SVEP1: variants seen among roughly 807,000 people sequenced by gnomAD.
The protein encoded by SVEP1 is sushi, von Willebrand factor type A, EGF and pentraxin domain containing 1.
SVEP1 carries 164 observed loss-of-function variants against 367.3 expected under a neutral mutation model. The observed-to-expected ratio is 0.45, with a 90% CI of 0.39 to 0.51. The LOEUF (loss-of-function observed/expected upper bound fraction) is 0.51, where lower values mean the gene tolerates loss of function less well. SVEP1 is among the 20% of genes least tolerant of loss of function. The pLI is 0.00. For missense variants in SVEP1, 4,117 were observed against 4,425.3 expected (o/e 0.93, Z 1.98); for synonymous variants, 1,666 against 1,611.6 (o/e 1.03, Z -0.81).
chr9:110,553,199 C>A (rs1044041678), intron 1 of SVEP1, among the ~76,000 whole-genome samples: 4 of 152,098 alleles, frequency 2.6e-5, no homozygotes, highest in African/African-American at 9.7e-5. Flanking sequence ...TGTAACTTTG[C>A]CCAAGCCCCA....
intron 40 of SVEP1, among the ~76,000 whole-genome samples, chr9:110,390,255 ATAAGTATG>A (rs1342715066): frequency 8.0e-6 from 1 of 124,478 alleles, no homozygotes; most frequent in Non-Finnish European, 1.7e-5. Flanking sequence ...ATATACTTAT[ATAAGTATG>A]TATATATATA....
In SVEP1 at chr9:110,375,465, TAAAAAAAAAAA is replaced by T. The variant is rs71373993; in HGVS notation, c.10505-13_10505-3del. On this transcript the variant is annotated splice_region_variant and splice_polypyrimidine_tract_variant and intron_variant, in intron 45 of 47. Transcript: ENST00000374469. Reference sequence around the variant, plus strand: ...TCAGACAGGGAAGAATGCAGATTGCTAAAAAAAAAAAAAAAAAAAAAAAAAGGAGGCAGGGG... The same window carrying T: ...TCAGACAGGGAAGAATGCAGATTGCTAAAAAAAAAAAAAAGGAGGCAGGGG... The T allele has an allele frequency of 2.1e-4, 117 of 557,892 alleles. 1 individual carries two copies. In the African/African-American group the frequency reaches 2.2e-3, roughly 11 times the overall value. 34.6% of individuals were successfully genotyped at this position (557,892 alleles called of 1,614,324 possible).
intron 47 of SVEP1, among the ~76,000 whole-genome samples, chr9:110,368,076 TAAAAA>T (rs965685046): frequency 1.3e-5 from 2 of 148,272 alleles, no homozygotes; most frequent in Admixed American, 1.3e-4. Flanking sequence ...GACTCTGTCT[TAAAAA>T]AAAAAGAGAA....
chr9:110,438,556 T>C (rs1828466585), intron 27 of SVEP1, among the ~76,000 whole-genome samples: 1 of 152,208 alleles, frequency 6.6e-6, no homozygotes, highest in Non-Finnish European at 1.5e-5. Context: ...ATTTGCTTCA[T>C]TAATTAAACG....
chr9:110,562,096 G>A (rs191832041), intron 1 of SVEP1, among the ~76,000 whole-genome samples: 21 of 152,066 alleles, frequency 1.4e-4, no homozygotes, highest in South Asian at 4.2e-4. Flanking sequence ...GAAATGGTAC[G>A]CACAGGAGTT....
At chr9:110,551,448 T>C (rs760462623) in intron 1 of SVEP1, among the ~76,000 whole-genome samples, 1 of 152,210 alleles carries the variant, frequency 6.6e-6, no homozygotes, top group Non-Finnish European at 1.5e-5. Flanking sequence ...TAACAATGCC[T>C]CCAGAAATAT....
chr9:110,451,548 G>A lies in SVEP1; in HGVS notation c.3788-146C>T, dbSNP rs1828693507. 5 of 564,782 alleles carry A rather than the reference G, an allele frequency of 8.9e-6. No homozygotes were observed. The South Asian group carries it at 9.1e-5, about 10-fold the overall frequency. 35.0% of individuals were successfully genotyped at this position (564,782 alleles called of 1,614,324 possible). The stretch of plus-strand genomic sequence containing the variant: ...TGTGACAAACATGTTGAAATAAAAT[G>A]TTTCTTCTATTCTGTGAACTGCAAA... On this transcript the variant is annotated intron_variant, in intron 22 of 47. Coordinates refer to ENST00000374469, the MANE Select transcript of SVEP1 (RefSeq NM_153366.4).
intron 41 of SVEP1, 111 bp downstream of exon 41, chr9:110,389,413 G>C (rs1268448321): frequency 7.7e-7 from 1 of 1,293,568 alleles, no homozygotes; most frequent in African/African-American, 1.5e-5. Flanking sequence ...ATGGCTTATG[G>C]AGTTGGCTTA....
intron 40 of SVEP1, among the ~76,000 whole-genome samples, chr9:110,399,876 A>C (rs1369110975): frequency 6.6e-6 from 1 of 152,214 alleles, no homozygotes; most frequent in Non-Finnish European, 1.5e-5. Context: ...AAAATAAAAA[A>C]GAGTTTCCTG....
chr9:110,430,054 A>T, intron 33 of SVEP1, 50 bp from the exon 34 acceptor site: 1 of 1,573,828 alleles, frequency 6.4e-7, no homozygotes, highest in East Asian at 2.2e-5. Context: ...TGTGTGCAAA[A>T]ATCTTTGAAA....
intron 24 of SVEP1, among the ~76,000 whole-genome samples, chr9:110,448,958 G>T (rs1828648681): frequency 6.6e-6 from 1 of 152,176 alleles, no homozygotes; most frequent in South Asian, 2.1e-4. Flanking sequence ...AGAAGAAAGG[G>T]GATTGGGAAA....
chr9:110,430,281 A>G lies in SVEP1; in HGVS notation c.5523T>C (p.Tyr1841=), dbSNP rs1199645472. 2.5e-6 allele frequency: 4 copies of G among 1,611,538 alleles called. No homozygotes were observed. Among genetic ancestry groups the G allele is most frequent in the Non-Finnish European group, 2.5e-6 (3 of 1,178,882 alleles). ...TAAATTTACTAAACATACCTTTACA[A>G]TATGGTATTAGATGATTCCATTCTC... The part of the protein sequence containing the change: ...ESGEWNHLIP[Y]CKAVSCGKPA... Residue 1841 remains tyrosine, a synonymous_variant, in exon 33 of 48, where the codon TAT becomes TAC. Transcript: ENST00000374469.
Position 110,365,304 on chromosome 9 carries a change from A to G in SVEP1, c.*1235T>C, listed in dbSNP as rs1827181232. Reference sequence around the variant, plus strand: ...TTGGAAAGTAGACTCATAAGCATGTAAGACTGGCCAAGAAAGTGAATGTCA... The same window carrying G: ...TTGGAAAGTAGACTCATAAGCATGTGAGACTGGCCAAGAAAGTGAATGTCA... On this transcript the variant is annotated 3_prime_UTR_variant, in exon 48 of 48. Coordinates refer to ENST00000374469, the MANE Select transcript of SVEP1 (RefSeq NM_153366.4). The G allele has an allele frequency of 6.6e-6, 1 of 152,212 alleles. No homozygotes were observed. Among genetic ancestry groups the G allele is most frequent in the Admixed American group, 6.5e-5 (1 of 15,282 alleles). The allele number at this position is 152,212 out of a possible 1,614,324, so 9.4% of individuals were successfully genotyped here. A position where few individuals can be genotyped will look rare whatever the true frequency, so the allele number is the denominator to read the frequency against.
At chr9:110,415,075 C>T (rs562809641) in intron 36 of SVEP1, among the ~76,000 whole-genome samples, 4 of 152,014 alleles carry the variant, frequency 2.6e-5, no homozygotes, top group Non-Finnish European at 4.4e-5. Flanking sequence ...AAACCCCCTA[C>T]GTTTGAGGGT....
At chr9:110,554,578 C>G (rs1830332768) in intron 1 of SVEP1, among the ~76,000 whole-genome samples, 1 of 152,038 alleles carries the variant, frequency 6.6e-6, no homozygotes, top group Non-Finnish European at 1.5e-5. Context: ...GTTCAAGAGC[C>G]CTAAAAACAT....
At chr9:110,426,264 A>C (rs1243642246) in intron 36 of SVEP1, among the ~76,000 whole-genome samples, 1 of 152,232 alleles carries the variant, frequency 6.6e-6, no homozygotes, top group Non-Finnish European at 1.5e-5. Flanking sequence ...ACCTGCTGGC[A>C]GTCATGTATT....
rs746053648 is a variant in SVEP1 at position 110,404,491 on chromosome 9, G to A, written c.9502C>T (p.Arg3168Cys). 2.0e-5 allele frequency: 32 copies of A among 1,613,816 alleles called. 1 individual carries two copies. In the South Asian group the frequency reaches 2.3e-4, roughly 12 times the overall value. Residue 3168 changes from arginine to cysteine, a missense_variant, in exon 39 of 48, where the codon CGC becomes TGC. Physicochemically the swap from Arg to Cys is radical, Grantham distance 180 (BLOSUM62 -3). Transcript: ENST00000374469. ...CAGGAGATTCTCTCAGGGAACCAGC[G>A]ACCATCTTTCTGACAGGTGAATGTA... ...TDTFTCQKDGRWFPERISCSP... is the reference protein window; with the variant it reads ...TDTFTCQKDGCWFPERISCSP...
intron 8 of SVEP1, among the ~76,000 whole-genome samples, chr9:110,495,794 C>T (rs1418191279): frequency 6.6e-6 from 1 of 152,096 alleles, no homozygotes; most frequent in African/African-American, 2.4e-5. Context: ...TTTCAAGCTA[C>T]TATACAAAGA....
intron 40 of SVEP1, among the ~76,000 whole-genome samples, chr9:110,396,670 C>T (rs1827766942): frequency 9.8e-6 from 1 of 102,500 alleles, no homozygotes; most frequent in Non-Finnish European, 2.1e-5. Context: ...GATATCACCA[C>T]TGATCCCACA....
Sources: gnomAD v4.1 joint callset for allele counts (sites outside exome capture counted in the v4.1 genomes callset) on GRCh38, gnomAD v4.1.1 for gene constraint, MANE v1.5 for transcripts, NCBI Gene and HGNC (gene_info 2026-07-23, HGNC 2026-07-21) for gene names.